The following KANSL1L variants were observed in gnomAD, a reference collection of about 807,000 sequenced individuals.
The protein encoded by KANSL1L is KAT8 regulatory NSL complex subunit 1 like.
In KANSL1L, 25 loss-of-function variants were observed where a neutral mutation model predicts 108.6. That is an observed-to-expected ratio of 0.23 (90% confidence interval 0.17 to 0.32). The LOEUF (loss-of-function observed/expected upper bound fraction) is 0.32, where lower values mean the gene tolerates loss of function less well. KANSL1L is among the 10% of genes least tolerant of loss of function. The pLI, the probability that KANSL1L is intolerant of heterozygous loss-of-function variation, is 1.00. For synonymous variants in KANSL1L, 405 were observed against 395.1 expected (o/e 1.03, Z -0.30); for missense variants, 1,137 against 1,125.7 (o/e 1.01, Z -0.14).
chr2:210,154,186 T>G lies in KANSL1L; in HGVS notation c.397A>C (p.Ile133Leu). ...GTATCTGATAGAGGCTCCTTTTTGA[T>G]GAACTCTTCAGAATGAGAAAGACAG... ...KICLSHSEEF[I>L]KKEPLSDTTS... Residue 133 changes from isoleucine (I) to leucine (L), a missense_variant, in exon 2 of 15, where the codon ATC becomes CTC. Coordinates refer to ENST00000281772, the MANE Select transcript of KANSL1L (RefSeq NM_152519.4). The G allele has an allele frequency of 6.2e-7, 1 of 1,614,084 alleles. No homozygotes were observed. Among genetic ancestry groups the G allele is most frequent in the Non-Finnish European group, 8.5e-7 (1 of 1,179,944 alleles).
chr2:210,037,168 T>C (rs1156770312), intron 8 of KANSL1L, among the ~76,000 whole-genome samples: 1 of 152,234 alleles, frequency 6.6e-6, no homozygotes, highest in African/African-American at 2.4e-5. Flanking sequence ...AATAACGTTT[T>C]ATATTTCATA....
At chr2:210,148,127 AGG>A (rs1375553645) in intron 2 of KANSL1L, among the ~76,000 whole-genome samples, 1 of 152,200 alleles carries the variant, frequency 6.6e-6, no homozygotes, top group East Asian at 1.9e-4. Context: ...TGACCAATTT[AGG>A]GAAATAGTGG....
intron 5 of KANSL1L, chr2:210,096,660 T>C (rs2094738657): frequency 3.1e-6 from 3 of 983,296 alleles, no homozygotes; most frequent in Non-Finnish European, 3.6e-6. Context: ...TACATTCACC[T>C]ACATTATGAC....
At chr2:210,109,256 T>C (rs2094881683) in intron 3 of KANSL1L, among the ~76,000 whole-genome samples, 1 of 152,178 alleles carries the variant, frequency 6.6e-6, no homozygotes, top group Non-Finnish European at 1.5e-5. Flanking sequence ...AGGTTTTATC[T>C]CCCTTACCAG....
At chr2:210,092,010 A>G (rs1231381935) in intron 5 of KANSL1L, among the ~76,000 whole-genome samples, 2 of 152,162 alleles carry the variant, frequency 1.3e-5, no homozygotes, top group African/African-American at 4.8e-5. Context: ...GGCTCCTGTT[A>G]TTACTATTGA....
intron 6 of KANSL1L, among the ~76,000 whole-genome samples, chr2:210,052,045 C>T (rs1485801837): frequency 2.0e-5 from 3 of 147,692 alleles, no homozygotes; most frequent in Non-Finnish European, 4.5e-5. Context: ...CTGTCACCCA[C>T]GGTGGAGAGT....
chr2:210,146,620 T>C (rs1445610076), intron 2 of KANSL1L, among the ~76,000 whole-genome samples: 1 of 152,218 alleles, frequency 6.6e-6, no homozygotes, highest in East Asian at 1.9e-4. Context: ...AAAATTATGT[T>C]ATGATCACCT....
intron 7 of KANSL1L, 32 bp downstream of exon 7, chr2:210,043,907 C>A: frequency 7.1e-7 from 1 of 1,412,806 alleles, no homozygotes; most frequent in South Asian, 1.4e-5. Flanking sequence ...CAGAAAATAT[C>A]GTTACTTAGA....
At chr2:210,034,637 A>G (rs575696789) in intron 8 of KANSL1L, among the ~76,000 whole-genome samples, 61 of 152,346 alleles carry the variant, frequency 4.0e-4, no homozygotes, top group African/African-American at 1.4e-3. Flanking sequence ...TTAAAAGTCT[A>G]TTTCAGCAGT....
intron 6 of KANSL1L, among the ~76,000 whole-genome samples, chr2:210,055,170 C>T (rs1017164917): frequency 2.0e-5 from 3 of 152,148 alleles, no homozygotes; most frequent in African/African-American, 7.2e-5. Context: ...GGGGCTTTTT[C>T]CCCTTTGCTT....
intron 2 of KANSL1L, among the ~76,000 whole-genome samples, chr2:210,142,944 ATC>A (rs1255882158): frequency 2.0e-5 from 3 of 152,084 alleles, no homozygotes; most frequent in Non-Finnish European, 4.4e-5. Flanking sequence ...TGTTCTATAT[ATC>A]TCTGTTAGGT....
chr2:210,043,929 G>A lies in KANSL1L; in HGVS notation c.1921+10C>T. 1 of 1,540,704 alleles carries A rather than the reference G, an allele frequency of 6.5e-7. No individual in the cohort carries two copies. Among genetic ancestry groups the A allele is most frequent in the Non-Finnish European group, 8.8e-7 (1 of 1,138,900 alleles). ...TATCGTTACTTAGAAATTGTTACAA[G>A]GAGGCTTACCTGATGGCAATGATAG... is the stretch of plus-strand genomic sequence containing the variant. On this transcript the variant is annotated intron_variant, in intron 7 of 14. Coordinates refer to ENST00000281772, the MANE Select transcript of KANSL1L (RefSeq NM_152519.4).
chr2:210,085,184 T>C (rs1014344442), intron 5 of KANSL1L, among the ~76,000 whole-genome samples: 2 of 152,188 alleles, frequency 1.3e-5, no homozygotes, highest in African/African-American at 4.8e-5. Context: ...GAACTATTTA[T>C]AGTTAAAATA....
chr2:210,092,636 C>A (rs1467356779), intron 5 of KANSL1L, among the ~76,000 whole-genome samples: 2 of 152,120 alleles, frequency 1.3e-5, no homozygotes, highest in African/African-American at 2.4e-5. Flanking sequence ...ACTTTATGAT[C>A]TTTTTTTGCT....
Position 210,022,332 on chromosome 2 carries a change from C to CTG in KANSL1L, c.*615_*616dup, listed in dbSNP as rs1228391561. 6.6e-6 allele frequency: 1 copy of CTG among 152,444 alleles called. No homozygotes were observed. The highest frequency in any genetic ancestry group is 2.4e-5 in the African/African-American group (1 of 41,426). The allele number at this position is 152,444 out of a possible 1,614,324, so 9.4% of individuals were successfully genotyped here. ...CAACAACAACAACAACAAAAAACTT[C>CTG]TGTCTCTATATTCAGGACGTTCAGA... On this transcript the variant is annotated 3_prime_UTR_variant, in exon 15 of 15. Transcript: ENST00000281772.
intron 6 of KANSL1L, among the ~76,000 whole-genome samples, chr2:210,059,994 C>T (rs1200015360): frequency 2.0e-5 from 3 of 152,114 alleles, no homozygotes; most frequent in South Asian, 2.1e-4. Flanking sequence ...CCACCCACCT[C>T]GGCCTCCCAA....
intron 6 of KANSL1L, among the ~76,000 whole-genome samples, chr2:210,074,512 G>A (rs1398356987): frequency 1.3e-5 from 2 of 152,006 alleles, no homozygotes; most frequent in Non-Finnish European, 2.9e-5. Flanking sequence ...TATTTTTCAC[G>A]CTGGGCTAAT....
rs374286132 is a variant in KANSL1L, at chr2:210,139,989, G to A, written c.1089-10817C>T. 3.1e-4 allele frequency among the ~76,000 whole-genome samples: 47 copies of A among 151,820 alleles called. No individual in the cohort carries two copies. In the Middle Eastern group the frequency reaches 0.01, roughly 33 times the overall value. ...AATTCCTGAGCTCAAGCGATCCACC[G>A]GGCTACACCTCCTTGGCCACTTTGC... On this transcript the variant is annotated intron_variant, in intron 2 of 14. Transcript: ENST00000281772.
chr2:210,046,122 C>T (rs947824094), intron 6 of KANSL1L, among the ~76,000 whole-genome samples: 10 of 152,252 alleles, frequency 6.6e-5, no homozygotes, highest in African/African-American at 1.9e-4. Flanking sequence ...TATAAGGGCA[C>T]TAATTCCATT....
Sources: gnomAD v4.1 joint callset for allele counts (sites outside exome capture counted in the v4.1 genomes callset) on GRCh38, gnomAD v4.1.1 for gene constraint, MANE v1.5 for transcripts, NCBI Gene and HGNC (gene_info 2026-07-23, HGNC 2026-07-21) for gene names.